Variants in CABIN1 observed in about 807,000 individuals in gnomAD.
CABIN1 encodes calcineurin-binding protein cabin-1.
In CABIN1, 133 loss-of-function variants were observed where a neutral mutation model predicts 227.7. The ratio of observed to expected loss-of-function variants is 0.58; its 90% CI spans 0.51 to 0.67. The LOEUF (loss-of-function observed/expected upper bound fraction) is 0.67. CABIN1 is among the 30% of genes least tolerant of loss of function. The probability of loss-of-function intolerance (pLI) is 0.00; values close to 1 mark genes in which losing one functional copy is unlikely to be tolerated. For synonymous variants in CABIN1, 1,086 were observed against 1,155.1 expected, an observed-to-expected ratio of 0.94 and a Z score of 1.21; for missense variants, 2,408 against 2,852.5, an observed-to-expected ratio of 0.84 and a Z score of 3.55.
chr22:24,084,032 C>T (rs1204732121), intron 20 of CABIN1, among the ~76,000 whole-genome samples: 6 of 152,150 alleles, frequency 3.9e-5, no homozygotes, highest in Non-Finnish European at 7.3e-5. Context: ...GGCCACTCTC[C>T]CTGGAGTCAG....
chr22:24,055,307 G>A (rs2146272174), intron 9 of CABIN1, 148 bp downstream of exon 9: 1 of 962,936 alleles, frequency 1.0e-6, no homozygotes, highest in Non-Finnish European at 1.5e-6. Flanking sequence ...CCCAGCCCTA[G>A]AGGAGCCTCT....
intron 28 of CABIN1, among the ~76,000 whole-genome samples, chr22:24,133,031 G>C (rs2148167070): frequency 6.6e-6 from 1 of 152,302 alleles, no homozygotes; most frequent in East Asian, 1.9e-4. Context: ...CCTGCCTCCA[G>C]GGTCTGAGGA....
chr22:24,171,890 T>G lies in CABIN1; in HGVS notation c.5935T>G (p.Cys1979Gly). 6.2e-7 allele frequency: 1 copy of G among 1,614,098 alleles called. No homozygotes were observed. Among genetic ancestry groups the G allele is most frequent in the Non-Finnish European group, 8.5e-7 (1 of 1,180,034 alleles). ...AGCTGCCGCCACAACTATTATCACC[T>G]GCCCTCCGTCAGCATCAGCTTCCAC... The part of the protein sequence containing the change: ...ALAAATTIIT[C>G]PPSASASTLD... Residue 1979 changes from cysteine (C) to glycine (G), a missense_variant, in exon 34 of 37, where the codon TGC (cysteine) becomes GGC (glycine). By Grantham distance (159) the Cys-to-Gly change is radical (BLOSUM62 -3). Around this residue, in one of 3 missense-constraint regions of CABIN1, gnomAD observed 714 missense variants for 773.8 expected, o/e 0.92. Coordinates refer to ENST00000263119, the MANE Select transcript of CABIN1 (RefSeq NM_012295.4).
At chr22:24,020,462 C>T (rs1464303671) in intron 1 of CABIN1, among the ~76,000 whole-genome samples, 1 of 152,104 alleles carries the variant, frequency 6.6e-6, no homozygotes, top group African/African-American at 2.4e-5. Context: ...GCTGGGATTA[C>T]AGGCATGTGC....
At chr22:24,057,713 G>A (rs1323084189) in intron 10 of CABIN1, among the ~76,000 whole-genome samples, 1 of 152,178 alleles carries the variant, frequency 6.6e-6, no homozygotes, top group Non-Finnish European at 1.5e-5. Context: ...TTAATTTGTT[G>A]TCTTTCTGAG....
chr22:24,015,782 C>G (rs1316878087), intron 1 of CABIN1, among the ~76,000 whole-genome samples: 1 of 151,966 alleles, frequency 6.6e-6, no homozygotes, highest in East Asian at 2.0e-4. Flanking sequence ...ATGGTGAAAC[C>G]CCTTTCTACT....
intron 19 of CABIN1, among the ~76,000 whole-genome samples, chr22:24,081,313 T>G (rs570637210): frequency 5.3e-5 from 8 of 152,346 alleles, no homozygotes; most frequent in Admixed American, 3.3e-4. Flanking sequence ...AGTGTTATAA[T>G]AAATTCTAAA....
intron 24 of CABIN1, among the ~76,000 whole-genome samples, chr22:24,095,687 C>T (rs536300986): frequency 6.6e-6 from 1 of 152,346 alleles, no homozygotes; most frequent in East Asian, 1.9e-4. Flanking sequence ...ACTCTCATCT[C>T]ACTACCATGT....
At chr22:24,062,908 G>C in intron 13 of CABIN1, 51 bp from the exon 14 acceptor site, 1 of 1,568,338 alleles carries the variant, frequency 6.4e-7, no homozygotes, top group Non-Finnish European at 8.8e-7. Context: ...GAAGCAGAAG[G>C]GCATTAGAAT....
Position 24,124,923 on chromosome 22 carries a change from C to T in CABIN1, c.4632+5225C>T, listed in dbSNP as rs552661377. 8.5e-5 allele frequency among the ~76,000 whole-genome samples: 13 copies of T among 152,264 alleles called. No homozygotes were observed. In the South Asian group the frequency reaches 2.7e-3, roughly 32 times the overall value. ...CTTGAATGAAAACAAAGCTGGAGGA[C>T]TCATACTTCCCAGTTTCAAAACATA... On this transcript the variant is annotated intron_variant, in intron 28 of 36. Transcript: ENST00000263119.
chr22:24,157,543 C>T (rs1375972592), intron 29 of CABIN1, among the ~76,000 whole-genome samples: 1 of 152,188 alleles, frequency 6.6e-6, no homozygotes, highest in Non-Finnish European at 1.5e-5. Context: ...AGTCTCTCCC[C>T]CAGCAAGGTG....
At chr22:24,086,494 T>C (rs1010619162) in intron 22 of CABIN1, among the ~76,000 whole-genome samples, 5 of 152,240 alleles carry the variant, frequency 3.3e-5, no homozygotes, top group African/African-American at 7.2e-5. Context: ...AGGAAAGCAC[T>C]TGATGGCTTG....
At chr22:24,117,198 T>C (rs2043137714) in intron 27 of CABIN1, among the ~76,000 whole-genome samples, 1 of 151,906 alleles carries the variant, frequency 6.6e-6, no homozygotes, top group Non-Finnish European at 1.5e-5. Flanking sequence ...GGCAACTGAT[T>C]GTTGTTGTTG....
chr22:24,049,559 C>T (rs1293932858), intron 7 of CABIN1, among the ~76,000 whole-genome samples: 1 of 152,212 alleles, frequency 6.6e-6, no homozygotes, highest in Non-Finnish European at 1.5e-5. Flanking sequence ...GTTTTGTTCT[C>T]AGTGCTGCCC....
chr22:24,079,794 T>C (rs2040689416), intron 19 of CABIN1, among the ~76,000 whole-genome samples: 1 of 152,220 alleles, frequency 6.6e-6, no homozygotes, highest in Non-Finnish European at 1.5e-5. Context: ...TAAGGTACTC[T>C]GAATTCCAGT....
chr22:24,164,588 G>C (rs1401128945), intron 30 of CABIN1, 25 bp downstream of exon 30: 1 of 1,599,966 alleles, frequency 6.3e-7, no homozygotes, highest in Admixed American at 1.7e-5. Context: ...CCTGGACACA[G>C]CCTGGCATGC....
In CABIN1 at chr22:24,098,066, C is replaced by G. The variant is rs772209527; in HGVS notation, c.3991C>G (p.Pro1331Ala). The G allele has an allele frequency of 6.2e-7, 1 of 1,614,178 alleles. No homozygotes were observed. The highest frequency in any genetic ancestry group is 8.5e-7 in the Non-Finnish European group (1 of 1,180,022). ...CTCCCACTCTTCAGCTGGGACACTGCCGGGCCCCGGAGCCTCCCTCCCCTC... is the reference window on the plus strand; with the variant it reads ...CTCCCACTCTTCAGCTGGGACACTGGCGGGCCCCGGAGCCTCCCTCCCCTC... ...EDSHSSAGTL[P>A]GPGASLPSSS... Residue 1331 changes from proline to alanine, a missense_variant, in exon 26 of 37, where the codon CCG becomes GCG. Transcript: ENST00000263119.
rs1601747692 is a variant in CABIN1 at position 24,042,817 on chromosome 22, A to AGTGTGTGT, written c.346-87_346-86insGTGTGTGT. On this transcript the variant is annotated intron_variant, in intron 5 of 36. Transcript: ENST00000263119. ...GGGTGCATATTCAAGGAGAGATCTG[A>AGTGTGTGT]CTGTGTGTGTGTGTGTGTGTGTGTG... 29 of 577,606 alleles carry AGTGTGTGT rather than the reference A, an allele frequency of 5.0e-5. 1 individual carries two copies. The African/African-American group carries it at 7.1e-4, about 14-fold the overall frequency. The allele number at this position is 577,606 out of a possible 1,614,324, so 35.8% of individuals were successfully genotyped here.
intron 8 of CABIN1, among the ~76,000 whole-genome samples, chr22:24,052,721 T>C (rs1378325894): frequency 6.7e-6 from 1 of 150,112 alleles, no homozygotes; most frequent in Non-Finnish European, 1.5e-5. Context: ...GCCGGGGAAG[T>C]CAAGGCTACA....
Sources: allele counts gnomAD v4.1 joint callset (sites outside exome capture counted in the v4.1 genomes callset), GRCh38; gene constraint gnomAD v4.1.1; regional missense constraint gnomAD v4.1.1; transcripts MANE v1.5; gene names NCBI Gene and HGNC (gene_info 2026-07-23, HGNC 2026-07-21).